B3GALNT2: variants seen among roughly 807,000 people sequenced by gnomAD.
B3GALNT2 encodes the protein UDP-GalNAc:beta-1,3-N-acetylgalactosaminyltransferase 2.
Under a neutral mutation model 61.1 loss-of-function variants are expected in B3GALNT2, and 53 were observed. The observed-to-expected ratio is 0.87, with a 90% CI of 0.70 to 1.09. The LOEUF is 1.09. Among genes scored for constraint, B3GALNT2 ranks in the 50% least tolerant of loss-of-function variants. The probability of loss-of-function intolerance (pLI) is 0.00; values close to 1 mark genes in which losing one functional copy is unlikely to be tolerated. For synonymous variants in B3GALNT2, 223 were observed against 237.4 expected, an observed-to-expected ratio of 0.94 and a Z score of 0.56; for missense variants, 544 against 623.0, an observed-to-expected ratio of 0.87 and a Z score of 1.35.
At chr1:235,464,816 A>C (rs752060301) in intron 7 of B3GALNT2, 4 of 152,228 alleles carry the variant, frequency 2.6e-5, no homozygotes, top group Non-Finnish European at 4.4e-5. Flanking sequence ...TAAGCACATG[A>C]AGAAAATGCT....
intron 9 of B3GALNT2, among the ~76,000 whole-genome samples, chr1:235,455,285 T>C (rs1683108218): frequency 6.6e-6 from 1 of 151,962 alleles, no homozygotes; most frequent in Non-Finnish European, 1.5e-5. Context: ...ACCTTTTTAA[T>C]TTTTTGTAGG....
chr1:235,446,798 A>G (rs1465600935), downstream of B3GALNT2, among the ~76,000 whole-genome samples: 1 of 151,532 alleles, frequency 6.6e-6, no homozygotes, highest in Admixed American at 6.6e-5. Flanking sequence ...CCTGGGCTCA[A>G]GTGATCCTCC....
chr1:235,469,583 C>T (rs1458285380), intron 6 of B3GALNT2, among the ~76,000 whole-genome samples: 1 of 152,004 alleles, frequency 6.6e-6, no homozygotes, highest in Non-Finnish European at 1.5e-5. Context: ...GATGGAGTCT[C>T]GCTCTGTTGC....
downstream of B3GALNT2, among the ~76,000 whole-genome samples, chr1:235,445,419 A>C (rs1682184050): frequency 6.6e-6 from 1 of 152,228 alleles, no homozygotes; most frequent in Non-Finnish European, 1.5e-5. Context: ...GCTTGAGCCC[A>C]GGAGTTCGAG....
rs1467010576 is a variant in B3GALNT2, at chr1:235,447,221, CTAAAA to C, written c.*2980_*2984del. The stretch of plus-strand genomic sequence containing the variant: ...ACATACAAAAAGGCCAGTTTTTATT[CTAAAA>C]TAAAGAACATTTATTATCACAAGTT... On this transcript the variant is annotated 3_prime_UTR_variant, in exon 12 of 12. Coordinates refer to ENST00000366600, the MANE Select transcript of B3GALNT2 (RefSeq NM_152490.5). 2.0e-5 allele frequency among the ~76,000 whole-genome samples: 3 copies of C among 152,076 alleles called. No individual in the cohort carries two copies. Among genetic ancestry groups the C allele is most frequent in the Non-Finnish European group, 4.4e-5 (3 of 68,002 alleles).
chr1:235,486,749 T>C (rs549980159), intron 3 of B3GALNT2, among the ~76,000 whole-genome samples: 3 of 152,312 alleles, frequency 2.0e-5, no homozygotes, highest in South Asian at 4.1e-4. Flanking sequence ...AATAAAAATA[T>C]GGTTAATTTA....
intron 11 of B3GALNT2, chr1:235,451,772 G>T (rs149389133): frequency 2.6e-5 from 4 of 152,262 alleles, no homozygotes; most frequent in Middle Eastern, 3.4e-3. Context: ...CTGCACCTTC[G>T]ATGGCCAAAG....
chr1:235,454,365 G>A (rs2102782881), intron 9 of B3GALNT2, 50 bp from the exon 10 acceptor site: 1 of 1,498,934 alleles, frequency 6.7e-7, no homozygotes, highest in East Asian at 2.3e-5. Flanking sequence ...CACATATCCT[G>A]CCACTATTAA....
Position 235,450,033 on chromosome 1 carries a change from A to G in B3GALNT2, c.*173T>C, listed in dbSNP as rs1458299470. On this transcript the variant is annotated 3_prime_UTR_variant, in exon 12 of 12. Coordinates refer to ENST00000366600, the MANE Select transcript of B3GALNT2 (RefSeq NM_152490.5). ...ATGCTACAGTACAAGTTGATTTTTA[A>G]GGAAATTTGTGCAAACATTAAGAAA... 3 of 673,854 alleles carry G rather than the reference A, an allele frequency of 4.5e-6. No homozygotes were observed. The East Asian group carries it at 8.5e-5, about 19-fold the overall frequency. The allele number at this position is 673,854 out of a possible 1,614,324, so 41.7% of individuals were successfully genotyped here.
intron 11 of B3GALNT2, 137 bp downstream of exon 11, chr1:235,452,953 T>C: frequency 1.3e-6 from 1 of 746,084 alleles, no homozygotes; most frequent in South Asian, 2.0e-5. Flanking sequence ...TATAATGCAA[T>C]TATTCTAAAA....
chr1:235,480,299 C>A, intron 4 of B3GALNT2, 150 bp from the exon 5 acceptor site: 1 of 1,258,788 alleles, frequency 7.9e-7, no homozygotes. Flanking sequence ...GTTTTGGCAT[C>A]ACTGGGTTTT....
intron 7 of B3GALNT2, among the ~76,000 whole-genome samples, chr1:235,459,385 A>G (rs36073314): frequency 0.13 from 20,043 of 152,154 alleles, 1,737 homozygotes; most frequent in African/African-American, 0.24. Flanking sequence ...CACTCCGTGA[A>G]GCCGAGGGAG....
rs55666590 is a variant in B3GALNT2 at position 235,480,905 on chromosome 1, C to CAAAAAAA, written c.556-763_556-757dup. Among the ~76,000 whole-genome samples, 26 of 31,172 alleles carry CAAAAAAA rather than the reference C, an allele frequency of 8.3e-4. 3 individuals are homozygous for CAAAAAAA. Among genetic ancestry groups the CAAAAAAA allele is most frequent in the South Asian group, 2.2e-3 (1 of 452 alleles). The allele number at this position is 31,172 out of a possible 152,430, so 20.5% of individuals were successfully genotyped here. A position where few individuals can be genotyped will look rare whatever the true frequency, so the allele number is the denominator to read the frequency against. On this transcript the variant is annotated intron_variant, in intron 4 of 11. Coordinates refer to ENST00000366600, the MANE Select transcript of B3GALNT2 (RefSeq NM_152490.5). The stretch of plus-strand genomic sequence containing the variant: ...TGGACCGCAGAGCCAGACTCTGTCT[C>CAAAAAAA]AAAAAAAAAAAAAAAAAAAAAAAAA...
At position 235,458,787 on chromosome 1, in the gene B3GALNT2, C is replaced by G. The variant is rs764784497; in HGVS notation, c.842-1G>C. On this transcript the variant is annotated splice_acceptor_variant, in intron 7 of 11. Transcript: ENST00000366600. LOFTEE classifies it high-confidence loss of function. ...AGGTTGTGTAAGAGAGCATCACCTT[C>G]TATAAAGGAAAAGTTGAGAGTTGGA... 3 of 1,572,750 alleles carry G rather than the reference C, an allele frequency of 1.9e-6. No homozygotes were observed. Among genetic ancestry groups the G allele is most frequent in the Non-Finnish European group, 2.6e-6 (3 of 1,162,872 alleles).
At chr1:235,498,283 T>G (rs1182911872) in intron 1 of B3GALNT2, among the ~76,000 whole-genome samples, 1 of 152,124 alleles carries the variant, frequency 6.6e-6, no homozygotes, top group Non-Finnish European at 1.5e-5. Context: ...GGTACCTAGT[T>G]GACTCCAGTG....
intron 7 of B3GALNT2, chr1:235,464,865 A>T (rs896877498): frequency 3.3e-5 from 5 of 152,254 alleles, no homozygotes; most frequent in African/African-American, 9.6e-5. Flanking sequence ...AATAAAAATC[A>T]CAATGAAATA....
chr1:235,476,134 G>A (rs1684266786), intron 5 of B3GALNT2, among the ~76,000 whole-genome samples: 1 of 152,140 alleles, frequency 6.6e-6, no homozygotes, highest in African/African-American at 2.4e-5. Flanking sequence ...GTGGCCAGGC[G>A]CAGTGGCTCA....
intron 4 of B3GALNT2, among the ~76,000 whole-genome samples, chr1:235,482,579 G>T (rs1396145230): frequency 1.3e-5 from 2 of 151,330 alleles, no homozygotes; most frequent in African/African-American, 4.9e-5. Context: ...TTTAGTCTGT[G>T]TCCAGCCAAT....
At chr1:235,475,170 T>G (rs1226326932) in intron 5 of B3GALNT2, among the ~76,000 whole-genome samples, 1 of 150,890 alleles carries the variant, frequency 6.6e-6, no homozygotes, top group African/African-American at 2.4e-5. Context: ...GCTAATTTTT[T>G]GTATTTTTAG....
Sources: allele counts gnomAD v4.1 joint callset (sites outside exome capture counted in the v4.1 genomes callset), GRCh38; gene constraint gnomAD v4.1.1; transcripts MANE v1.5; gene names NCBI Gene and HGNC (gene_info 2026-07-23, HGNC 2026-07-21).